The following ZNF33B variants were observed in gnomAD, a reference collection of about 807,000 sequenced individuals.
ZNF33B encodes zinc finger protein 33B.
ZNF33B carries 29 observed loss-of-function variants against 45.8 expected under a neutral mutation model. The ratio of observed to expected loss-of-function variants is 0.63; its 90% CI spans 0.47 to 0.86. The LOEUF (loss-of-function observed/expected upper bound fraction) is 0.86. Among genes scored for constraint, ZNF33B ranks in the 40% least tolerant of loss-of-function variants. The pLI is 0.00. For missense variants in ZNF33B, 831 were observed against 909.9 expected (o/e 0.91, Z 1.12); for synonymous variants, 305 against 307.8 (o/e 0.99, Z 0.10).
At chr10:42,580,182 G>A (rs995956611) in intron 1 of ZNF33B, among the ~76,000 whole-genome samples, 6 of 152,116 alleles carry the variant, frequency 3.9e-5, no homozygotes, top group African/African-American at 1.2e-4. Flanking sequence ...GTAATATTGA[G>A]GACGGTGAGG....
At chr10:42,584,765 C>A (rs140039280), downstream of ZNF33B, among the ~76,000 whole-genome samples, 2,590 of 152,296 alleles carry the variant, frequency 0.017, 78 homozygotes, top group African/African-American at 0.059. Context: ...AGGCGATCCA[C>A]CCACCTTGGC....
At chr10:42,622,529 C>T (rs74137912) in intron 4 of ZNF33B, among the ~76,000 whole-genome samples, 17,084 of 152,128 alleles carry the variant, frequency 0.11, 1,144 homozygotes, top group African/African-American at 0.18. Context: ...AAATACACTG[C>T]CTATGGTCAA....
intron 2 of ZNF33B, among the ~76,000 whole-genome samples, chr10:42,634,651 C>A (rs540557548): frequency 6.6e-6 from 1 of 152,064 alleles, no homozygotes; most frequent in Non-Finnish European, 1.5e-5. Flanking sequence ...TATATGTACA[C>A]ATAATTGATG....
chr10:42,625,375 GTTCA>G (rs147784338), intron 4 of ZNF33B, among the ~76,000 whole-genome samples: 46,289 of 151,896 alleles, frequency 0.3, 7,924 homozygotes, highest in East Asian at 0.45. Flanking sequence ...ATTTGTATAT[GTTCA>G]TTGTTAGTGG....
chr10:42,596,692 T>C (rs891040792), intron 4 of ZNF33B, among the ~76,000 whole-genome samples: 12 of 152,124 alleles, frequency 7.9e-5, no homozygotes, highest in African/African-American at 2.7e-4. Flanking sequence ...AAAAAAAATT[T>C]TTGATACTAT....
chr10:42,638,521 C>A lies in ZNF33B; in HGVS notation c.-92G>T, dbSNP rs188230274. Reference sequence around the variant, plus strand: ...TTCGCCATAAGAGAGCCGGTAGACCCCTGAAATCCCGGGACCGCCTCCCAC... The same window carrying A: ...TTCGCCATAAGAGAGCCGGTAGACCACTGAAATCCCGGGACCGCCTCCCAC... On this transcript the variant is annotated 5_prime_UTR_variant, in exon 1 of 5. Transcript: ENST00000359467. The A allele has an allele frequency of 8.3e-6, 4 of 483,756 alleles. No homozygotes were observed. The highest frequency in any genetic ancestry group is 6.1e-5 in the East Asian group (1 of 16,520). The allele number at this position is 483,756 out of a possible 1,614,324, so 30.0% of individuals were successfully genotyped here.
intron 4 of ZNF33B, among the ~76,000 whole-genome samples, chr10:42,607,778 A>T (rs1837927840): frequency 6.6e-6 from 1 of 152,186 alleles, no homozygotes; most frequent in Non-Finnish European, 1.5e-5. Context: ...TAAATCCTGA[A>T]AATACAAAGG....
At chr10:42,586,948 T>C (rs1325925745), downstream of ZNF33B, among the ~76,000 whole-genome samples, 5 of 151,974 alleles carry the variant, frequency 3.3e-5, no homozygotes, top group Admixed American at 1.3e-4. Flanking sequence ...AGATGAAAGG[T>C]GAGTATCCAG....
rs548491995 is a variant in ZNF33B, at chr10:42,630,328, G to A, written c.250+1601C>T. On this transcript the variant is annotated intron_variant, in intron 4 of 4. Transcript: ENST00000359467. ...CCTGCCTGCCACCACAGTTTCAGAAGAGAAACCCACAGTCATTCCCTGCAG... is the reference window on the plus strand; with the variant it reads ...CCTGCCTGCCACCACAGTTTCAGAAAAGAAACCCACAGTCATTCCCTGCAG... Among the ~76,000 whole-genome samples, 4 of 152,242 alleles carry A rather than the reference G, an allele frequency of 2.6e-5. No individual in the cohort carries two copies. The South Asian group carries it at 8.3e-4, about 32-fold the overall frequency.
intron 4 of ZNF33B, among the ~76,000 whole-genome samples, chr10:42,616,093 C>A (rs965044135): frequency 6.6e-6 from 1 of 151,862 alleles, no homozygotes; most frequent in African/African-American, 2.4e-5. Flanking sequence ...GTAATCCCAG[C>A]TACTCAGGAG....
chr10:42,599,916 T>C (rs1837551148), intron 4 of ZNF33B, among the ~76,000 whole-genome samples: 1 of 152,112 alleles, frequency 6.6e-6, no homozygotes, highest in Admixed American at 6.6e-5. Flanking sequence ...ACTTTCTAAT[T>C]TCCTCTTCGA....
chr10:42,637,109 C>T, intron 1 of ZNF33B, 137 bp from the exon 2 acceptor site: 3 of 756,778 alleles, frequency 4.0e-6, no homozygotes, highest in Admixed American at 2.7e-5. Flanking sequence ...TCCTCTGACA[C>T]TTCGGAATAG....
chr10:42,586,649 T>C (rs185564677), downstream of ZNF33B, among the ~76,000 whole-genome samples: 9 of 152,336 alleles, frequency 5.9e-5, no homozygotes, highest in Non-Finnish European at 1.3e-4. Flanking sequence ...ACAGTCATAA[T>C]AGTCTCACAG....
chr10:42,636,163 T>C (rs116106586), intron 2 of ZNF33B, among the ~76,000 whole-genome samples: 2,641 of 152,164 alleles, frequency 0.017, 80 homozygotes, highest in African/African-American at 0.06. Flanking sequence ...AAAATTAAAA[T>C]ACATTTTAAC....
At chr10:42,612,233 A>ATT (rs59259404) in intron 4 of ZNF33B, among the ~76,000 whole-genome samples, 2,148 of 119,248 alleles carry the variant, frequency 0.018, 100 homozygotes, top group Non-Finnish European at 0.027. Context: ...ACAGAAGTTG[A>ATT]TTTTTTTTTT....
intron 4 of ZNF33B, among the ~76,000 whole-genome samples, chr10:42,613,483 A>G (rs158379): frequency 0.18 from 27,633 of 151,630 alleles, 3,958 homozygotes; most frequent in African/African-American, 0.39. Flanking sequence ...AGGAGGCAGA[A>G]GTTGCCATGA....
At position 42,591,263 on chromosome 10, in the gene ZNF33B, TG is replaced by T. The variant is rs1837109639; in HGVS notation, c.*1349del. 1 of 926,632 alleles carries T rather than the reference TG, an allele frequency of 1.1e-6. No individual in the cohort carries two copies. Among genetic ancestry groups the T allele is most frequent in the African/African-American group, 1.8e-5 (1 of 55,562 alleles). 57.4% of individuals were successfully genotyped at this position (926,632 alleles called of 1,614,324 possible). Reference sequence around the variant, plus strand: ...TGGGCCTCTTTCCAGGGCCCTGTCTTGGAGAGCAGCTGCTTAAAGAAAATTT... The same window carrying T: ...TGGGCCTCTTTCCAGGGCCCTGTCTTGAGAGCAGCTGCTTAAAGAAAATTT... On this transcript the variant is annotated 3_prime_UTR_variant, in exon 5 of 5. Transcript: ENST00000359467.
chr10:42,625,039 TA>T (rs1308435981), intron 4 of ZNF33B, among the ~76,000 whole-genome samples: 13 of 7,622 alleles, frequency 1.7e-3, no homozygotes, highest in East Asian at 0.077. Flanking sequence ...TTTCATATTT[TA>T]TATATATATA....
At chr10:42,636,712 C>T (rs957301865) in intron 2 of ZNF33B, 8 of 619,812 alleles carry the variant, frequency 1.3e-5, no homozygotes, top group South Asian at 8.4e-5. Flanking sequence ...CCCAGCCAAT[C>T]GGGAGGCTGA....
Sources: gnomAD v4.1 joint callset for allele counts (sites outside exome capture counted in the v4.1 genomes callset) on GRCh38, gnomAD v4.1.1 for gene constraint, MANE v1.5 for transcripts, NCBI Gene and HGNC (gene_info 2026-07-23, HGNC 2026-07-21) for gene names.